TBC1D9: variants seen among roughly 807,000 people sequenced by gnomAD.
TBC1D9 encodes the protein TBC1 domain family member 9.
A neutral mutation model predicts 132.0 loss-of-function variants in TBC1D9; 63 were observed. The ratio of observed to expected loss-of-function variants is 0.48; its 90% CI spans 0.39 to 0.59. The LOEUF (loss-of-function observed/expected upper bound fraction) is 0.59. TBC1D9 is among the 20% of genes least tolerant of loss of function. The pLI, the probability that TBC1D9 is intolerant of heterozygous loss-of-function variation, is 0.00. For synonymous variants in TBC1D9, 610 were observed against 609.9 expected, an observed-to-expected ratio of 1.00 and a Z score of 0.00; for missense variants, 1,261 against 1,592.7, an observed-to-expected ratio of 0.79 and a Z score of 3.54.
chr4:140,704,392 C>T (rs111979709), intron 1 of TBC1D9, among the ~76,000 whole-genome samples: 1 of 139,348 alleles, frequency 7.2e-6, no homozygotes, highest in African/African-American at 2.7e-5. Flanking sequence ...CAGAGCAAGA[C>T]TCTGTCTCAA....
At chr4:140,753,678 T>A (rs1738960132) in intron 1 of TBC1D9, among the ~76,000 whole-genome samples, 1 of 152,164 alleles carries the variant, frequency 6.6e-6, no homozygotes, top group South Asian at 2.1e-4. Context: ...TGGATTCTGT[T>A]TTCTGCTGGG....
At chr4:140,642,151 C>G in intron 13 of TBC1D9, 1 of 766,780 alleles carries the variant, frequency 1.3e-6, no homozygotes, top group Non-Finnish European at 2.4e-6. Context: ...TCCTTTGCCA[C>G]CATGCCACAC....
intron 9 of TBC1D9, among the ~76,000 whole-genome samples, chr4:140,664,899 G>C (rs1478071643): frequency 1.3e-5 from 2 of 152,108 alleles, no homozygotes; most frequent in Non-Finnish European, 2.9e-5. Context: ...ACGAGGTCAG[G>C]AGTTTGAGAC....
chr4:140,741,606 T>C (rs542394208), intron 1 of TBC1D9, among the ~76,000 whole-genome samples: 1 of 152,256 alleles, frequency 6.6e-6, no homozygotes, highest in South Asian at 2.1e-4. Flanking sequence ...TAGTCCCAGC[T>C]ACTTGAGAGG....
chr4:140,721,708 C>T (rs1318309519), intron 1 of TBC1D9, among the ~76,000 whole-genome samples: 2 of 152,160 alleles, frequency 1.3e-5, no homozygotes, highest in Non-Finnish European at 2.9e-5. Flanking sequence ...CAGTATTCTC[C>T]GTAATCCCCA....
chr4:140,678,813 A>G (rs1737662966), intron 5 of TBC1D9, 129 bp downstream of exon 5: 1 of 1,145,260 alleles, frequency 8.7e-7, no homozygotes, highest in African/African-American at 1.6e-5. Flanking sequence ...AGTCTTTTTT[A>G]GTTTTGTATC....
intron 1 of TBC1D9, among the ~76,000 whole-genome samples, chr4:140,718,665 T>TC: frequency 6.6e-6 from 1 of 152,304 alleles, no homozygotes; most frequent in South Asian, 2.1e-4. Flanking sequence ...TTAACTTAAA[T>TC]CCGAAAGAGC....
chr4:140,724,305 G>A (rs2111061035), intron 1 of TBC1D9, among the ~76,000 whole-genome samples: 1 of 152,218 alleles, frequency 6.6e-6, no homozygotes, highest in African/African-American at 2.4e-5. Context: ...TCTGTTAATA[G>A]TTCAATAGGC....
At chr4:140,643,198 C>T in intron 13 of TBC1D9, 2 of 1,406,880 alleles carry the variant, frequency 1.4e-6, no homozygotes, top group South Asian at 2.5e-5. Context: ...GAGGGCCGAG[C>T]CACCAGGGCC....
At chr4:140,626,714 C>G (rs1399802219) in intron 18 of TBC1D9, among the ~76,000 whole-genome samples, 1 of 152,152 alleles carries the variant, frequency 6.6e-6, no homozygotes, top group Non-Finnish European at 1.5e-5. Context: ...AGTTGAATCA[C>G]ATCTTTGTAG....
chr4:140,752,252 A>T (rs950331765), intron 1 of TBC1D9, among the ~76,000 whole-genome samples: 1 of 152,200 alleles, frequency 6.6e-6, no homozygotes, highest in Non-Finnish European at 1.5e-5. Flanking sequence ...AGAAAAATGA[A>T]TGAATTACAA....
Position 140,639,411 on chromosome 4 carries a change from C to G in TBC1D9, c.2355G>C (p.Arg785=), listed in dbSNP as rs758960342. Reference sequence around the variant, plus strand: ...ATCTCATCTGTTCAATCAAATCTGCCCGGATAGTTCCGAATTTCTGTAAAG... The same window carrying G: ...ATCTCATCTGTTCAATCAAATCTGCGCGGATAGTTCCGAATTTCTGTAAAG... ...RTSYEKFGTI[R]ADLIEQMRFK... The change falls in exon 14 of 21, where the codon CGG becomes CGC. Residue 785 remains arginine, a synonymous_variant. Coordinates refer to ENST00000442267, the MANE Select transcript of TBC1D9 (RefSeq NM_015130.3). 20 of 1,610,616 alleles carry G rather than the reference C, an allele frequency of 1.2e-5. No homozygotes were observed. The African/African-American group carries it at 2.5e-4, about 20-fold the overall frequency.
At position 140,622,637 on chromosome 4, in the gene TBC1D9, T is replaced by C; in HGVS notation, c.3359A>G (p.Asp1120Gly). The C allele has an allele frequency of 6.2e-7, 1 of 1,611,850 alleles. No homozygotes were observed. The highest frequency in any genetic ancestry group is 8.5e-7 in the Non-Finnish European group (1 of 1,178,602). The change falls in exon 21 of 21, where the codon GAC (aspartate) becomes GGC (glycine). Residue 1120 changes from aspartate to glycine, a missense_variant. By Grantham distance (94) the Asp-to-Gly change is moderately conservative. This residue lies in a region of TBC1D9 where 618 missense variants were observed against 724.4 expected (regional missense o/e 0.85). Transcript: ENST00000442267. ...TCCTCCAAGGGAGTGTTCCTCGCTG[T>C]CGGGGGCCAGGCTGGCCGGCAGGGG... ...VEPLPASLAP[D>G]SEEHSLGGQM...
intron 3 of TBC1D9, among the ~76,000 whole-genome samples, chr4:140,686,005 A>C (rs1275937262): frequency 6.6e-6 from 1 of 152,236 alleles, no homozygotes; most frequent in Non-Finnish European, 1.5e-5. Context: ...CAACACATAG[A>C]AATAATAAAT....
chr4:140,669,652 CT>C lies in TBC1D9; in HGVS notation c.1418del (p.Glu473GlyfsTer12). The C allele has an allele frequency of 6.2e-7, 1 of 1,612,108 alleles. No individual in the cohort carries two copies. Among genetic ancestry groups the C allele is most frequent in the Non-Finnish European group, 8.5e-7 (1 of 1,178,474 alleles). On this transcript the variant is annotated frameshift_variant, in exon 8 of 21. Coordinates refer to ENST00000442267, the MANE Select transcript of TBC1D9 (RefSeq NM_015130.3). LOFTEE classifies it high-confidence loss of function. ...LMTMYRRRSP[E>X]EFNPKLAKEF... ...CACCCACCAATTTCGGGTTGAACTC[CT>C]CGGGAGACCGCCGCCGATACATGGT...
chr4:140,657,747 A>T lies in TBC1D9; in HGVS notation c.1987T>A (p.Cys663Ser). The stretch of plus-strand genomic sequence containing the variant: ...GAAATCACGCCCAGGTCTTGCATGC[A>T]GTCGTACAGCTGTGGGACGTAGTCT... ...ARDYVPQLYDCMQDLGVISTI... is the reference protein window; with the variant it reads ...ARDYVPQLYDSMQDLGVISTI... Residue 663 changes from cysteine to serine, a missense_variant, in exon 12 of 21, where the codon TGC becomes AGC. Cys to Ser is a moderately radical substitution (Grantham distance 112). Transcript: ENST00000442267. 1 of 1,614,032 alleles carries T rather than the reference A, an allele frequency of 6.2e-7. No individual in the cohort carries two copies. The highest frequency in any genetic ancestry group is 1.7e-4 in the Middle Eastern group (1 of 6,060).
At chr4:140,676,393 C>A (rs1737625498) in intron 6 of TBC1D9, among the ~76,000 whole-genome samples, 1 of 152,250 alleles carries the variant, frequency 6.6e-6, no homozygotes, top group South Asian at 2.1e-4. Flanking sequence ...TGGCTCATGT[C>A]TGTAATCCCA....
At chr4:140,742,347 T>C (rs1578864252) in intron 1 of TBC1D9, among the ~76,000 whole-genome samples, 2 of 151,582 alleles carry the variant, frequency 1.3e-5, no homozygotes, top group South Asian at 4.2e-4. Context: ...GCCTGGCCAA[T>C]ATGGTGAAAC....
chr4:140,701,314 A>G (rs1478111077), intron 2 of TBC1D9, among the ~76,000 whole-genome samples, 190 bp downstream of exon 2: 1 of 152,242 alleles, frequency 6.6e-6, no homozygotes, highest in African/African-American at 2.4e-5. Flanking sequence ...ACTCTATCAG[A>G]GTGAGAAAGA....
Sources: allele counts gnomAD v4.1 joint callset (sites outside exome capture counted in the v4.1 genomes callset), GRCh38; gene constraint gnomAD v4.1.1; regional missense constraint gnomAD v4.1.1; transcripts MANE v1.5; gene names NCBI Gene and HGNC (gene_info 2026-07-23, HGNC 2026-07-21).